FAM47E: variants seen among roughly 807,000 people sequenced by gnomAD.
The protein encoded by FAM47E is protein FAM47E.
In FAM47E, 32 loss-of-function variants were observed where a neutral mutation model predicts 41.6. The ratio of observed to expected loss-of-function variants is 0.77; its 90% CI spans 0.58 to 1.03. FAM47E has a LOEUF of 1.03. FAM47E is among the 50% of genes least tolerant of loss of function. FAM47E has a pLI of 0.00. For missense variants in FAM47E, 424 were observed against 485.4 expected, an observed-to-expected ratio of 0.87 and a Z score of 1.19; for synonymous variants, 184 against 188.7, an observed-to-expected ratio of 0.98 and a Z score of 0.20.
At position 76,251,833 on chromosome 4, in the gene FAM47E, C is replaced by T; in HGVS notation, c.74+13C>T. 1.4e-6 allele frequency: 2 copies of T among 1,433,066 alleles called. No homozygotes were observed. The highest frequency in any genetic ancestry group is 9.1e-7 in the Non-Finnish European group (1 of 1,097,424). The allele number at this position is 1,433,066 out of a possible 1,614,324, so 88.8% of individuals were successfully genotyped here. The stretch of plus-strand genomic sequence containing the variant: ...ACTGCAGGTCCAGGTAAACACTCAG[C>T]GCCCGGGCCGAGGGCGCATCCCACG... On this transcript the variant is annotated intron_variant, in intron 1 of 7. Transcript: ENST00000424749.
upstream of FAM47E, among the ~76,000 whole-genome samples, chr4:76,250,904 CT>C (rs1733944370): frequency 2.0e-5 from 3 of 152,072 alleles, no homozygotes; most frequent in Admixed American, 6.6e-5. Context: ...GTGTTAATTT[CT>C]TTATATTCAT....
chr4:76,276,223 G>A (rs565648975), intron 5 of FAM47E, among the ~76,000 whole-genome samples: 7 of 152,232 alleles, frequency 4.6e-5, no homozygotes, highest in African/African-American at 1.2e-4. Context: ...AATAATTTCC[G>A]AAGCTTATAT....
chr4:76,253,131 A>G (rs1017623334), intron 1 of FAM47E, among the ~76,000 whole-genome samples: 2 of 152,228 alleles, frequency 1.3e-5, no homozygotes, highest in African/African-American at 4.8e-5. Context: ...TACAGTATGT[A>G]ACTGTTTGAG....
At chr4:76,261,003 A>C (rs1734389403) in intron 2 of FAM47E, among the ~76,000 whole-genome samples, 1 of 152,002 alleles carries the variant, frequency 6.6e-6, no homozygotes, top group Non-Finnish European at 1.5e-5. Flanking sequence ...AAAAGTGTAC[A>C]AAGGACATGA....
At chr4:76,231,867 G>A (rs1440898536) in intron 2 of FAM47E, among the ~76,000 whole-genome samples, 1 of 152,176 alleles carries the variant, frequency 6.6e-6, no homozygotes, top group African/African-American at 2.4e-5. Context: ...AAGGGTATGA[G>A]GCCAGTTTCC....
At position 76,243,051 on chromosome 4, in the gene FAM47E, T is replaced by C. The variant is rs3910643; in HGVS notation, c.82-20653T>C. 8.6e-3 allele frequency among the ~76,000 whole-genome samples: 1,303 copies of C among 152,330 alleles called. 34 individuals carry two copies. Among genetic ancestry groups the C allele is most frequent in the Admixed American group, 0.059 (899 of 15,302 alleles). On this transcript the variant is annotated intron_variant, in intron 2 of 7. Transcript: ENST00000510197. The stretch of plus-strand genomic sequence containing the variant: ...AGTGAGTTGCCCAGCATTAGTAATG[T>C]ACCCCAGAGGGTTCTCTTGCCCTAT...
At chr4:76,271,282 T>C (rs2110019785) in intron 4 of FAM47E, among the ~76,000 whole-genome samples, 1 of 152,326 alleles carries the variant, frequency 6.6e-6, no homozygotes, top group South Asian at 2.1e-4. Context: ...AAAATACTTC[T>C]AGAGATGGCA....
At chr4:76,224,917 C>T (rs982229032) in intron 2 of FAM47E, among the ~76,000 whole-genome samples, 2 of 152,014 alleles carry the variant, frequency 1.3e-5, no homozygotes, top group African/African-American at 2.4e-5. Flanking sequence ...ACCCTTCCCC[C>T]CAAGTCCCCA....
At chr4:76,233,201 T>G (rs1733522301) in intron 2 of FAM47E, among the ~76,000 whole-genome samples, 1 of 152,224 alleles carries the variant, frequency 6.6e-6, no homozygotes, top group Non-Finnish European at 1.5e-5. Context: ...TAAAACCTGG[T>G]AAGTTGTTCT....
At chr4:76,216,471 T>C (rs769979877) in intron 1 of FAM47E, among the ~76,000 whole-genome samples, 2 of 152,158 alleles carry the variant, frequency 1.3e-5, no homozygotes, top group African/African-American at 2.4e-5. Flanking sequence ...TACCCACTCC[T>C]CCCATCCCTG....
chr4:76,253,449 G>T (rs1734057027), intron 1 of FAM47E, among the ~76,000 whole-genome samples: 1 of 152,144 alleles, frequency 6.6e-6, no homozygotes, highest in Non-Finnish European at 1.5e-5. Flanking sequence ...ATGTACTAGT[G>T]TCTGTGAAAA....
At chr4:76,273,280 GTTGT>G (rs1734966295) in intron 5 of FAM47E, among the ~76,000 whole-genome samples, 1 of 152,290 alleles carries the variant, frequency 6.6e-6, no homozygotes, top group East Asian at 1.9e-4. Flanking sequence ...ATACTTATGA[GTTGT>G]TTATTTCTAG....
At chr4:76,231,555 G>T (rs1733493086) in intron 2 of FAM47E, among the ~76,000 whole-genome samples, 1 of 152,128 alleles carries the variant, frequency 6.6e-6, no homozygotes, top group South Asian at 2.1e-4. Context: ...AATCATGACA[G>T]GACTGAGTTG....
At chr4:76,271,806 A>C (rs577390613) in intron 5 of FAM47E, 38 bp downstream of exon 5, 2 of 1,537,352 alleles carry the variant, frequency 1.3e-6, no homozygotes, top group African/African-American at 2.8e-5. Flanking sequence ...AATCAAAGAA[A>C]ATTAAGTTGT....
At position 76,251,753 on chromosome 4, in the gene FAM47E, G is replaced by A; in HGVS notation, c.7G>A (p.Asp3Asn). The A allele has an allele frequency of 6.7e-7, 1 of 1,485,238 alleles. No homozygotes were observed. The highest frequency in any genetic ancestry group is 8.9e-7 in the Non-Finnish European group (1 of 1,124,038). The allele number at this position is 1,485,238 out of a possible 1,614,324, so 92.0% of individuals were successfully genotyped here. MADRRRRLRPGTL... is the reference protein window; with the variant it reads MANRRRRLRPGTL... ...CCGCGAAGCTAGGGCCACCATGGCG[G>A]ACCGCAGGCGGCGGCTCCGGCCGGG... Residue 3 changes from aspartate (D) to asparagine (N), a missense_variant, in exon 1 of 8, where the codon GAC (aspartate) becomes AAC (asparagine). Transcript: ENST00000424749.
chr4:76,261,640 A>T (rs190640015), intron 2 of FAM47E, among the ~76,000 whole-genome samples: 1 of 152,272 alleles, frequency 6.6e-6, no homozygotes, highest in East Asian at 1.9e-4. Context: ...ATGGTCATAA[A>T]GATGGAGATA....
intron 1 of FAM47E, among the ~76,000 whole-genome samples, chr4:76,255,549 A>G (rs960749629): frequency 2.0e-5 from 3 of 152,170 alleles, no homozygotes; most frequent in Non-Finnish European, 2.9e-5. Flanking sequence ...CAGAGGTTAC[A>G]TGAAGAGCCA....
intron 1 of FAM47E, among the ~76,000 whole-genome samples, chr4:76,215,082 A>C (rs1425588034): frequency 1.3e-5 from 2 of 152,260 alleles, no homozygotes; most frequent in African/African-American, 2.4e-5. Flanking sequence ...TGCTGTGCTC[A>C]GTCATGAGCT....
At chr4:76,257,821 T>G (rs999915821) in intron 2 of FAM47E, among the ~76,000 whole-genome samples, 1 of 152,116 alleles carries the variant, frequency 6.6e-6, no homozygotes, top group Non-Finnish European at 1.5e-5. Flanking sequence ...TTGCCACCAC[T>G]GAGCTCCTCC....
Sources: gnomAD v4.1 joint callset for allele counts (sites outside exome capture counted in the v4.1 genomes callset) on GRCh38, gnomAD v4.1.1 for gene constraint, MANE v1.5 for transcripts, NCBI Gene and HGNC (gene_info 2026-07-23, HGNC 2026-07-21) for gene names.